NANOGNB: variants seen among roughly 807,000 people sequenced by gnomAD.
The protein encoded by NANOGNB is NANOG neighbor homeobox.
Under a neutral mutation model 25.0 loss-of-function variants are expected in NANOGNB, and 30 were observed. The observed-to-expected ratio is 1.20, with a 90% CI of 0.90 to 1.63. The LOEUF is 1.63. NANOGNB is among the 40% of genes most tolerant of loss of function. The pLI, the probability that NANOGNB is intolerant of heterozygous loss-of-function variation, is 0.00. For synonymous variants in NANOGNB, 84 were observed against 62.1 expected, an observed-to-expected ratio of 1.35 and a Z score of -1.66; for missense variants, 200 against 188.1, an observed-to-expected ratio of 1.06 and a Z score of -0.37.
rs926006043 is a variant in NANOGNB, at chr12:7,765,266, T to C, written c.-20T>C. Reference sequence around the variant, plus strand: ...CTGTAACCTCCCTACCAAGGACTAATTGGTCTTTAAAACTCCTCAATGCAC... The same window carrying C: ...CTGTAACCTCCCTACCAAGGACTAACTGGTCTTTAAAACTCCTCAATGCAC... On this transcript the variant is annotated 5_prime_UTR_variant, in exon 1 of 4. Coordinates refer to ENST00000382119, the MANE Select transcript of NANOGNB (RefSeq NM_001145465.1). 14 of 1,288,398 alleles carry C rather than the reference T, an allele frequency of 1.1e-5. No homozygotes were observed. In the African/African-American group the frequency reaches 1.8e-4, roughly 17 times the overall value. The allele number at this position is 1,288,398 out of a possible 1,614,324, so 79.8% of individuals were successfully genotyped here.
At chr12:7,769,326 ATT>A (rs71038746) in intron 1 of NANOGNB, among the ~76,000 whole-genome samples, 79 of 141,824 alleles carry the variant, frequency 5.6e-4, no homozygotes, top group Admixed American at 6.4e-4. Context: ...TGCCTGGCAA[ATT>A]TTTTTTTTTT....
At chr12:7,766,934 G>A (rs540617662) in intron 1 of NANOGNB, among the ~76,000 whole-genome samples, 37 of 152,212 alleles carry the variant, frequency 2.4e-4, no homozygotes, top group African/African-American at 3.1e-4. Flanking sequence ...TTTGCCTCCC[G>A]GGTTCAAGCG....
Position 7,770,318 on chromosome 12 carries a change from A to G in NANOGNB, c.435+3A>G, listed in dbSNP as rs1389262193. ...AATTTGACATGACACATAAACAGGT[A>G]TGACAACATTAATAGACATTTCTTC... On this transcript the variant is annotated splice_donor_region_variant and intron_variant, in intron 2 of 3. Coordinates refer to ENST00000382119, the MANE Select transcript of NANOGNB (RefSeq NM_001145465.1). 2.0e-6 allele frequency: 3 copies of G among 1,528,896 alleles called. No individual in the cohort carries two copies. The highest frequency in any genetic ancestry group is 2.2e-5 in the Admixed American group (1 of 45,016). 94.7% of individuals were successfully genotyped at this position (1,528,896 alleles called of 1,614,324 possible). A position where few individuals can be genotyped will look rare whatever the true frequency, so the allele number is the denominator to read the frequency against.
chr12:7,771,569 T>A (rs1565472007), intron 3 of NANOGNB, among the ~76,000 whole-genome samples: 1 of 152,084 alleles, frequency 6.6e-6, no homozygotes, highest in Non-Finnish European at 1.5e-5. Context: ...TTTAATGTAT[T>A]ATTTATGTAT....
At position 7,774,067 on chromosome 12, in the gene NANOGNB, A is replaced by G. The variant is rs180838803; in HGVS notation, c.*216A>G. On this transcript the variant is annotated 3_prime_UTR_variant, in exon 4 of 4. Transcript: ENST00000382119. ...TATTTTTACCCTACTGTAGATTTAA[A>G]GTTTTTATAATGGATGTTAATTGAT... 4 of 373,456 alleles carry G rather than the reference A, an allele frequency of 1.1e-5. No individual in the cohort carries two copies. The East Asian group carries it at 1.6e-4, about 15-fold the overall frequency. 23.1% of individuals were successfully genotyped at this position (373,456 alleles called of 1,614,324 possible).
At chr12:7,769,134 T>A (rs1289725777) in intron 1 of NANOGNB, among the ~76,000 whole-genome samples, 2 of 152,016 alleles carry the variant, frequency 1.3e-5, no homozygotes, top group Non-Finnish European at 2.9e-5. Context: ...CGTAAGACAA[T>A]TCCCTGCAAT....
At chr12:7,770,656 A>G (rs974842882) in intron 3 of NANOGNB, 138 bp downstream of exon 3, 1 of 573,450 alleles carries the variant, frequency 1.7e-6, no homozygotes. Context: ...CTTGTTACCC[A>G]GGCTGGAGTG....
At chr12:7,771,576 G>T (rs1207992776) in intron 3 of NANOGNB, among the ~76,000 whole-genome samples, 1 of 151,976 alleles carries the variant, frequency 6.6e-6, no homozygotes, top group Non-Finnish European at 1.5e-5. Context: ...TATTATTTAT[G>T]TATATTTATT....
In NANOGNB at chr12:7,770,045, T is replaced by C; in HGVS notation, c.165T>C (p.Asp55=). The C allele has an allele frequency of 6.5e-7, 1 of 1,537,426 alleles. No individual in the cohort carries two copies. The highest frequency in any genetic ancestry group is 1.2e-5 in the South Asian group (1 of 80,966). ...PEQSTGNYSE[D]EQNGKQKWRE... Reference sequence around the variant, plus strand: ...AATCAACTGGAAATTACAGTGAAGATGAACAAAATGGAAAGCAGAAATGGA... The same window carrying C: ...AATCAACTGGAAATTACAGTGAAGACGAACAAAATGGAAAGCAGAAATGGA... The change falls in exon 2 of 4, where the codon GAT becomes GAC. Residue 55 remains aspartate (D), a synonymous_variant. Coordinates refer to ENST00000382119, the MANE Select transcript of NANOGNB (RefSeq NM_001145465.1).
intron 3 of NANOGNB, among the ~76,000 whole-genome samples, chr12:7,772,724 C>T (rs922618188): frequency 3.9e-5 from 6 of 151,904 alleles, no homozygotes; most frequent in Non-Finnish European, 5.9e-5. Flanking sequence ...GCTGGGACTA[C>T]AGATGTGTAC....
In NANOGNB at chr12:7,770,071, G is replaced by C. The variant is rs1249277936; in HGVS notation, c.191G>C (p.Arg64Thr). Residue 64 changes from arginine (R) to threonine (T), a missense_variant, in exon 2 of 4, where the codon AGA (arginine) becomes ACA (threonine). By Grantham distance (71) the Arg-to-Thr change is moderately conservative (BLOSUM62 -1). Transcript: ENST00000382119. ...EDEQNGKQKWREEGEAGRKRE... is the reference protein window; with the variant it reads ...EDEQNGKQKWTEEGEAGRKRE... ...GAACAAAATGGAAAGCAGAAATGGAGAGAAGAAGGAGAAGCAGGCAGAAAG... is the reference window on the plus strand; with the variant it reads ...GAACAAAATGGAAAGCAGAAATGGACAGAAGAAGGAGAAGCAGGCAGAAAG... 6.5e-7 allele frequency: 1 copy of C among 1,542,120 alleles called. No homozygotes were observed. The highest frequency in any genetic ancestry group is 8.8e-7 in the Non-Finnish European group (1 of 1,142,276).
chr12:7,765,735 A>G (rs763086134), intron 1 of NANOGNB, among the ~76,000 whole-genome samples: 1 of 152,022 alleles, frequency 6.6e-6, no homozygotes, highest in Non-Finnish European at 1.5e-5. Flanking sequence ...TGGCTTTACT[A>G]AGATAGAGAG....
intron 3 of NANOGNB, 75 bp from the exon 4 acceptor site, chr12:7,773,725 C>CA (rs906355561): frequency 5.4e-4 from 247 of 458,926 alleles, no homozygotes; most frequent in South Asian, 9.0e-4. Context: ...AACTCCATCT[C>CA]AAAAAAAAAT....
At chr12:7,765,506 C>A (rs928589005) in intron 1 of NANOGNB, 119 bp downstream of exon 1, 2 of 209,142 alleles carry the variant, frequency 9.6e-6, no homozygotes, top group African/African-American at 5.0e-5. Flanking sequence ...GGAGGCGGAG[C>A]TTGCAGTGAG....
intron 3 of NANOGNB, 27 bp from the exon 4 acceptor site, chr12:7,773,773 C>CTTTTTTTTTTTTTTTTTTTTTTTTTTT (rs34408824): frequency 2.1e-6 from 1 of 479,056 alleles, no homozygotes; most frequent in South Asian, 2.4e-5. Context: ...TTGCGAAACT[C>CTTTTTTTTTTTTTTTTTTTTTTTTTTT]TTTTTTTTTT....
At chr12:7,765,513 T>A (rs1424372631) in intron 1 of NANOGNB, 126 bp downstream of exon 1, 2 of 192,692 alleles carry the variant, frequency 1.0e-5, no homozygotes, top group Non-Finnish European at 2.0e-5. Context: ...GAGCTTGCAG[T>A]GAGCCGAGAT....
intron 1 of NANOGNB, among the ~76,000 whole-genome samples, 189 bp downstream of exon 1, chr12:7,765,576 A>AG (rs200383029): frequency 6.9e-6 from 1 of 145,508 alleles, no homozygotes; most frequent in Non-Finnish European, 1.5e-5. Context: ...TCTCAAAAAA[A>AG]AAAAAAAAAA....
Position 7,770,521 on chromosome 12 carries a change from A to C in NANOGNB, c.515+3A>C, listed in dbSNP as rs1337168760. ...AAGCATAAGAAAAAACATATGAGGT[A>C]AGAAAGTGTTTCTTGTAAAATAAAA... On this transcript the variant is annotated splice_donor_region_variant and intron_variant, in intron 3 of 3. Transcript: ENST00000382119. 3 of 1,445,288 alleles carry C rather than the reference A, an allele frequency of 2.1e-6. No individual in the cohort carries two copies. The highest frequency in any genetic ancestry group is 2.8e-6 in the Non-Finnish European group (3 of 1,060,652). 89.5% of individuals were successfully genotyped at this position (1,445,288 alleles called of 1,614,324 possible).
chr12:7,766,074 G>C (rs1001194405), intron 1 of NANOGNB: 1 of 398,390 alleles, frequency 2.5e-6, no homozygotes, highest in Non-Finnish European at 4.4e-6. Flanking sequence ...ATTGACTTGA[G>C]GAAGCCCCAG....
Sources: allele counts gnomAD v4.1 joint callset (sites outside exome capture counted in the v4.1 genomes callset), GRCh38; gene constraint gnomAD v4.1.1; transcripts MANE v1.5; gene names NCBI Gene and HGNC (gene_info 2026-07-23, HGNC 2026-07-21).